NFASC: variants seen among roughly 807,000 people sequenced by gnomAD.
The protein encoded by NFASC is neurofascin homolog.
NFASC carries 43 observed loss-of-function variants against 147.5 expected under a neutral mutation model. That is an observed-to-expected ratio of 0.29 (90% CI 0.23 to 0.38). NFASC has a LOEUF of 0.38. Ranked by LOEUF, NFASC falls within the 10% of genes least tolerant of loss-of-function variation. The probability of loss-of-function intolerance (pLI) is 1.00; values close to 1 mark genes in which losing one functional copy is unlikely to be tolerated. For missense variants in NFASC, 1,320 were observed against 1,689.0 expected (o/e 0.78, Z 3.83); for synonymous variants, 622 against 665.5 (o/e 0.93, Z 1.01).
chr1:204,838,696 G>A (rs1444744034), intron 1 of NFASC, among the ~76,000 whole-genome samples: 16 of 152,142 alleles, frequency 1.1e-4, no homozygotes, highest in Admixed American at 1.0e-3. Flanking sequence ...ATGTTTGCAG[G>A]CATCTCAGCA....
At chr1:204,927,699 C>T (rs983327029) in intron 2 of NFASC, among the ~76,000 whole-genome samples, 4 of 152,162 alleles carry the variant, frequency 2.6e-5, no homozygotes, top group Non-Finnish European at 5.9e-5. Context: ...TTATCACTCC[C>T]CACCTCACCA....
chr1:204,961,051 C>G (rs922650685), intron 8 of NFASC, among the ~76,000 whole-genome samples: 1 of 152,206 alleles, frequency 6.6e-6, no homozygotes, highest in Non-Finnish European at 1.5e-5. Context: ...CTTGCCTCCT[C>G]AGGGCCATCT....
rs188385652 is a variant in NFASC at position 204,852,708 on chromosome 1, G to A, written c.-200+23926G>A. Among the ~76,000 whole-genome samples the A allele has an allele frequency of 4.6e-5, 7 of 152,308 alleles. No homozygotes were observed. The East Asian group carries it at 1.4e-3, about 29-fold the overall frequency. On this transcript the variant is annotated intron_variant, in intron 1 of 29. Coordinates refer to ENST00000339876, the MANE Select transcript of NFASC (RefSeq NM_001005388.3). Reference sequence around the variant, plus strand: ...TCCCTTCCATCCTCTCCTACCAGCTGAGTTTTCTTTGGCAAAGTTCAGTCC... The same window carrying A: ...TCCCTTCCATCCTCTCCTACCAGCTAAGTTTTCTTTGGCAAAGTTCAGTCC...
intron 1 of NFASC, 89 bp downstream of exon 1, chr1:204,828,871 T>TCCATCCCCTGACCTGCC (rs1437770525): frequency 1.1e-6 from 1 of 893,670 alleles, no homozygotes. Context: ...CTCGTCTGTC[T>TCCATCCCCTGACCTGCC]CCATCCCCTG....
In NFASC at chr1:204,986,078, C is replaced by T. The variant is rs750312100; in HGVS notation, c.2471-1340C>T. 8.7e-6 allele frequency: 14 copies of T among 1,614,016 alleles called. No homozygotes were observed. In the East Asian group the frequency reaches 2.2e-4, roughly 26 times the overall value. On this transcript the variant is annotated intron_variant, in intron 21 of 29. Coordinates refer to ENST00000339876, the MANE Select transcript of NFASC (RefSeq NM_001005388.3). The surrounding 1 kb of genome is among the most constrained non-coding windows in gnomAD (Gnocchi z 4.2). ...GGTCAATGGGAGAGGTGATGGGCCT[C>T]GCAGTGAGACCAAGGAGTTCACCAC...
At chr1:204,843,685 T>C (rs1302038392) in intron 1 of NFASC, among the ~76,000 whole-genome samples, 2 of 137,842 alleles carry the variant, frequency 1.5e-5, no homozygotes, top group Admixed American at 7.3e-5. Flanking sequence ...CCTCCCTTCC[T>C]TTCTCCCTTT....
In NFASC at chr1:205,016,854, C is replaced by T. The variant is rs2096366661; in HGVS notation, c.*315C>T. The T allele has an allele frequency of 3.6e-5, 16 of 444,318 alleles. No homozygotes were observed. The highest frequency in any genetic ancestry group is 3.1e-4 in the South Asian group (15 of 48,424). 27.5% of individuals were successfully genotyped at this position (444,318 alleles called of 1,614,324 possible). A position where few individuals can be genotyped will look rare whatever the true frequency, so the allele number is the denominator to read the frequency against. ...CCACCACACTGTCCGCCCTTGGCCT[C>T]GGCACACGCTCACCTTTTCTGTTGG... On this transcript the variant is annotated 3_prime_UTR_variant, in exon 30 of 30. Coordinates refer to ENST00000339876, the MANE Select transcript of NFASC (RefSeq NM_001005388.3). The surrounding 1 kb of genome is among the most constrained non-coding windows in gnomAD (Gnocchi z 5.1).
chr1:204,868,092 C>T lies in NFASC; in HGVS notation c.-200+39310C>T, dbSNP rs1003984481. ...GTTGTAATAGCGTTCACTTTCCACG[C>T]TGGGAAATGGGGATTATGCACCCAG... On this transcript the variant is annotated intron_variant, in intron 1 of 29. Coordinates refer to ENST00000339876, the MANE Select transcript of NFASC (RefSeq NM_001005388.3). 3.3e-5 allele frequency among the ~76,000 whole-genome samples: 5 copies of T among 152,358 alleles called. No homozygotes were observed. In the East Asian group the frequency reaches 9.6e-4, roughly 29 times the overall value.
chr1:204,988,945 A>G (rs1176236894), intron 23 of NFASC, 139 bp downstream of exon 23: 2 of 759,538 alleles, frequency 2.6e-6, no homozygotes, highest in Non-Finnish European at 4.4e-6. Context: ...GGAAGGTGAG[A>G]ACCCATCTTA....
intron 1 of NFASC, among the ~76,000 whole-genome samples, chr1:204,901,756 G>A (rs1043735524): frequency 2.0e-5 from 3 of 152,124 alleles, no homozygotes; most frequent in African/African-American, 7.2e-5. Flanking sequence ...TAAGCTTCTA[G>A]GAAAGAGCCA....
Position 204,920,748 on chromosome 1 carries a change from G to A in NFASC, c.-91+8G>A. ...CTGAATGAGGCAGAGAAGGTAAGCA[G>A]GACTTGGGCCTGGGGTATGTGTCAT... On this transcript the variant is annotated splice_region_variant and intron_variant, in intron 2 of 29. Transcript: ENST00000339876. 1 of 1,258,138 alleles carries A rather than the reference G, an allele frequency of 7.9e-7. No individual in the cohort carries two copies. The highest frequency in any genetic ancestry group is 1.0e-6 in the Non-Finnish European group (1 of 960,142). 77.9% of individuals were successfully genotyped at this position (1,258,138 alleles called of 1,614,324 possible).
chr1:205,001,396 G>T, intron 26 of NFASC, 110 bp downstream of exon 26: 1 of 690,256 alleles, frequency 1.4e-6, no homozygotes, highest in South Asian at 1.6e-5. Flanking sequence ...GCTCAGAGAG[G>T]CCTTTTAGCC....
In NFASC at chr1:204,993,562, G is replaced by A. The variant is rs752056734; in HGVS notation, c.2782+2256G>A. On this transcript the variant is annotated intron_variant, in intron 24 of 29. Coordinates refer to ENST00000339876, the MANE Select transcript of NFASC (RefSeq NM_001005388.3). The stretch of plus-strand genomic sequence containing the variant: ...CAGGGTGCCTTCCAGTGTGCATTAG[G>A]TCACAAACCTGTGAGGTTGACGCTG... Among the ~76,000 whole-genome samples, 5 of 152,212 alleles carry A rather than the reference G, an allele frequency of 3.3e-5. No homozygotes were observed. The South Asian group carries it at 1.0e-3, about 32-fold the overall frequency.
chr1:204,978,877 C>A, intron 17 of NFASC, 91 bp from the exon 18 acceptor site: 1 of 1,002,984 alleles, frequency 1.0e-6, no homozygotes, highest in Non-Finnish European at 1.5e-6. Flanking sequence ...GTAGCGAAGA[C>A]AGCCCGTCAG....
intron 1 of NFASC, among the ~76,000 whole-genome samples, chr1:204,887,868 G>C (rs1203527355): frequency 2.8e-4 from 43 of 152,106 alleles, no homozygotes; most frequent in Admixed American, 2.8e-3. Context: ...AAAGTGCTGG[G>C]ATTACAGGCA....
At chr1:205,003,970 C>T (rs952923670) in intron 27 of NFASC, among the ~76,000 whole-genome samples, 10 of 152,288 alleles carry the variant, frequency 6.6e-5, no homozygotes, top group Non-Finnish European at 1.2e-4. Flanking sequence ...CTAGCCAGGC[C>T]GACTCAGGCA....
Position 205,016,404 on chromosome 1 carries a change from G to A in NFASC, c.3588G>A (p.Glu1196=). 6.2e-7 allele frequency: 1 copy of A among 1,614,062 alleles called. No individual in the cohort carries two copies. The highest frequency in any genetic ancestry group is 1.3e-5 in the African/African-American group (1 of 75,030). The change falls in exon 30 of 30, where the codon GAG becomes GAA. Residue 1196 remains glutamate, a synonymous_variant. Coordinates refer to ENST00000339876, the MANE Select transcript of NFASC (RefSeq NM_001005388.3). The surrounding 1 kb of genome is among the most constrained non-coding windows in gnomAD (Gnocchi z 5.1). ...ACGACAGCCTGGTGGACTATGGCGA[G>A]GGTGGCGAGGGTCAGTTCAATGAAG... ...ESDDSLVDYG[E]GGEGQFNEDG...
Position 204,974,162 on chromosome 1 carries a change from T to C in NFASC, c.1280-17T>C, listed in dbSNP as rs932974388. On this transcript the variant is annotated splice_polypyrimidine_tract_variant and intron_variant, in intron 12 of 29. Coordinates refer to ENST00000339876, the MANE Select transcript of NFASC (RefSeq NM_001005388.3). The stretch of plus-strand genomic sequence containing the variant: ...GTTTAGACTTGGCACTCGAGATTGC[T>C]TCTCTGGGAATTTCAGATGTGCCGC... The C allele has an allele frequency of 4.4e-6, 7 of 1,607,466 alleles. No individual in the cohort carries two copies. The highest frequency in any genetic ancestry group is 6.0e-6 in the Non-Finnish European group (7 of 1,175,566).
At chr1:205,000,432 C>G (rs2095951456) in intron 25 of NFASC, 1 of 152,476 alleles carries the variant, frequency 6.6e-6, no homozygotes, top group African/African-American at 2.4e-5. Flanking sequence ...AAAGTCCATC[C>G]TTCCTGCAAA....
Sources: allele counts gnomAD v4.1 joint callset (sites outside exome capture counted in the v4.1 genomes callset), GRCh38; gene constraint gnomAD v4.1.1; non-coding constraint Gnocchi (gnomAD v3.1); transcripts MANE v1.5; gene names NCBI Gene and HGNC (gene_info 2026-07-23, HGNC 2026-07-21).